The following SPAG16 variants were observed in gnomAD, a reference collection of about 807,000 sequenced individuals.
SPAG16 encodes the protein sperm-associated antigen 16 protein.
Under a neutral mutation model 80.4 loss-of-function variants are expected in SPAG16, and 86 were observed. That is an observed-to-expected ratio of 1.07 (90% CI 0.90 to 1.28). SPAG16 has a LOEUF of 1.28. SPAG16 is among the 50% of genes most tolerant of loss of function. The pLI, the probability that SPAG16 is intolerant of heterozygous loss-of-function variation, is 0.00. For missense variants in SPAG16, 870 were observed against 765.3 expected, an observed-to-expected ratio of 1.14 and a Z score of -1.61; for synonymous variants, 294 against 265.9, an observed-to-expected ratio of 1.11 and a Z score of -1.03.
chr2:213,863,665 C>G (rs2075572718), intron 11 of SPAG16, among the ~76,000 whole-genome samples: 1 of 151,822 alleles, frequency 6.6e-6, no homozygotes, highest in African/African-American at 2.4e-5. Context: ...ACATAAAACC[C>G]ATGTTGCAAG....
intron 10 of SPAG16, among the ~76,000 whole-genome samples, chr2:213,719,629 T>C (rs2162506): frequency 0.93 from 141,413 of 152,222 alleles, 66,606 homozygotes; most frequent in East Asian, 1. Flanking sequence ...CCACCAATTC[T>C]GGACACAATA....
At chr2:214,289,610 CTGTT>C (rs1006461513) in intron 15 of SPAG16, among the ~76,000 whole-genome samples, 4 of 152,126 alleles carry the variant, frequency 2.6e-5, no homozygotes, top group African/African-American at 9.7e-5. Flanking sequence ...CAAAACCATG[CTGTT>C]TGTTTGGGTT....
chr2:213,862,584 A>G lies in SPAG16; in HGVS notation c.1170A>G (p.Gly390=). ...GLPKCNVLLT[G]FGHTDWLSDC... ...CAAAATGCAATGTGCTTCTCACGGG[A>G]TTTGGCCACACTGACTGGCTTTCAG... The change falls in exon 11 of 16, where the codon GGA becomes GGG. Residue 390 remains glycine, a synonymous_variant. Coordinates refer to ENST00000331683, the MANE Select transcript of SPAG16 (RefSeq NM_024532.5). The G allele has an allele frequency of 6.2e-7, 1 of 1,614,000 alleles. No homozygotes were observed. Among genetic ancestry groups the G allele is most frequent in the South Asian group, 1.1e-5 (1 of 91,058 alleles).
chr2:214,247,720 G>T (rs1015822452), intron 15 of SPAG16, among the ~76,000 whole-genome samples: 11 of 152,070 alleles, frequency 7.2e-5, no homozygotes, highest in South Asian at 2.1e-4. Context: ...GGTGAAATAA[G>T]AACAGCTGAT....
intron 10 of SPAG16, among the ~76,000 whole-genome samples, chr2:213,575,308 A>G (rs16850471): frequency 0.086 from 13,064 of 152,140 alleles, 1,401 homozygotes; most frequent in African/African-American, 0.25. Flanking sequence ...ACCCACAGCA[A>G]TACTTTATCC....
intron 9 of SPAG16, among the ~76,000 whole-genome samples, chr2:213,397,309 A>G (rs1294856254): frequency 6.6e-6 from 1 of 152,156 alleles, no homozygotes; most frequent in East Asian, 1.9e-4. Context: ...CTTTAAGGGT[A>G]ACTGTTCTCT....
intron 15 of SPAG16, among the ~76,000 whole-genome samples, chr2:214,404,301 C>A (rs976347161): frequency 6.6e-6 from 1 of 152,200 alleles, no homozygotes; most frequent in Non-Finnish European, 1.5e-5. Flanking sequence ...TCTGCAACTG[C>A]CACACGTGCA....
Position 213,285,667 on chromosome 2 carries a change from GA to G in SPAG16, c.136+1050del, listed in dbSNP as rs551250315. ...CATCCACACTACAGAGAGCTTTGAA[GA>G]ATTTAGCTGAAAGATTAAAGAAAAT... On this transcript the variant is annotated intron_variant, in intron 1 of 15. Coordinates refer to ENST00000331683, the MANE Select transcript of SPAG16 (RefSeq NM_024532.5). Among the ~76,000 whole-genome samples the G allele has an allele frequency of 5.3e-5, 8 of 152,288 alleles. No homozygotes were observed. The East Asian group carries it at 1.5e-3, about 29-fold the overall frequency.
intron 10 of SPAG16, among the ~76,000 whole-genome samples, chr2:213,522,357 T>G (rs2075709765): frequency 6.6e-6 from 1 of 152,174 alleles, no homozygotes; most frequent in Non-Finnish European, 1.5e-5. Context: ...GACAGGAACC[T>G]AACAAAAAAT....
intron 14 of SPAG16, among the ~76,000 whole-genome samples, chr2:214,128,915 A>T (rs2125487845): frequency 6.6e-6 from 1 of 151,862 alleles, no homozygotes; most frequent in East Asian, 1.9e-4. Flanking sequence ...CCCCGCTACT[A>T]AAGCGGGGAA....
At chr2:214,294,851 A>T (rs1576703909) in intron 15 of SPAG16, among the ~76,000 whole-genome samples, 1 of 152,188 alleles carries the variant, frequency 6.6e-6, no homozygotes, top group South Asian at 2.1e-4. Context: ...TGTTTTTCTG[A>T]TGCCACTACA....
At chr2:213,441,306 A>G (rs900348191) in intron 9 of SPAG16, among the ~76,000 whole-genome samples, 1 of 152,242 alleles carries the variant, frequency 6.6e-6, no homozygotes, top group Non-Finnish European at 1.5e-5. Flanking sequence ...TATGTTATCC[A>G]TCTATGAAAA....
intron 13 of SPAG16, among the ~76,000 whole-genome samples, chr2:214,091,513 A>G (rs1039531702): frequency 1.3e-5 from 2 of 152,160 alleles, no homozygotes; most frequent in African/African-American, 4.8e-5. Flanking sequence ...ATGTACTGAG[A>G]AGCATTCAAT....
At chr2:213,701,450 C>G (rs2065415494) in intron 10 of SPAG16, among the ~76,000 whole-genome samples, 1 of 152,150 alleles carries the variant, frequency 6.6e-6, no homozygotes, top group South Asian at 2.1e-4. Flanking sequence ...GGTGTCCACT[C>G]TGGCCACGCT....
At position 213,943,450 on chromosome 2, in the gene SPAG16, G is replaced by A. The variant is rs527651168; in HGVS notation, c.1400+13305G>A. Among the ~76,000 whole-genome samples the A allele has an allele frequency of 3.0e-4, 46 of 152,258 alleles. 1 individual carries two copies. Among genetic ancestry groups the A allele is most frequent in the Non-Finnish European group, 6.0e-4 (41 of 68,026 alleles). Reference sequence around the variant, plus strand: ...AGCAGAAATATGGACAATAAAGGCCGTTCTCATGTGATCTCAGACAAAAAT... The same window carrying A: ...AGCAGAAATATGGACAATAAAGGCCATTCTCATGTGATCTCAGACAAAAAT... On this transcript the variant is annotated intron_variant, in intron 12 of 15. Coordinates refer to ENST00000331683, the MANE Select transcript of SPAG16 (RefSeq NM_024532.5).
intron 14 of SPAG16, among the ~76,000 whole-genome samples, chr2:214,143,417 A>T (rs917492180): frequency 6.6e-6 from 1 of 151,912 alleles, no homozygotes; most frequent in Non-Finnish European, 1.5e-5. Flanking sequence ...AAATTATTTA[A>T]TTCTTCTAGA....
chr2:213,754,165 T>C (rs960926148), intron 10 of SPAG16, among the ~76,000 whole-genome samples: 3 of 152,216 alleles, frequency 2.0e-5, no homozygotes, highest in African/African-American at 4.8e-5. Flanking sequence ...GAGTGATCCT[T>C]ATGAATCTTA....
chr2:214,338,667 G>A (rs1302100244), intron 15 of SPAG16, among the ~76,000 whole-genome samples: 1 of 152,088 alleles, frequency 6.6e-6, no homozygotes, highest in East Asian at 1.9e-4. Flanking sequence ...CTCCATAATA[G>A]AATGAAAAGG....
At chr2:214,376,771 G>T (rs1003540932) in intron 15 of SPAG16, among the ~76,000 whole-genome samples, 3 of 152,164 alleles carry the variant, frequency 2.0e-5, no homozygotes, top group Admixed American at 6.5e-5. Flanking sequence ...CTTTGTAACT[G>T]AGATGCTTAG....
Sources: allele counts gnomAD v4.1 joint callset (sites outside exome capture counted in the v4.1 genomes callset), GRCh38; gene constraint gnomAD v4.1.1; transcripts MANE v1.5; gene names NCBI Gene and HGNC (gene_info 2026-07-23, HGNC 2026-07-21).